CFAP74: variants seen among roughly 807,000 people sequenced by gnomAD.
CFAP74 encodes the protein cilia and flagella associated protein 74.
Under a neutral mutation model 188.9 loss-of-function variants are expected in CFAP74, and 124 were observed. The observed-to-expected ratio is 0.66, with a 90% CI of 0.57 to 0.76. The LOEUF is 0.76. Ranked by LOEUF, CFAP74 falls within the 30% of genes least tolerant of loss-of-function variation. The probability of loss-of-function intolerance (pLI) is 0.00; values close to 1 mark genes in which losing one functional copy is unlikely to be tolerated. For synonymous variants in CFAP74, 956 were observed against 916.7 expected (o/e 1.04, Z -0.77); for missense variants, 2,198 against 2,165.2 (o/e 1.02, Z -0.30).
In CFAP74 at chr1:1,972,947, A is replaced by T. The variant is rs1656193007; in HGVS notation, c.775T>A (p.Ser259Thr). 7 of 1,612,954 alleles carry T rather than the reference A, an allele frequency of 4.3e-6. No individual in the cohort carries two copies. Among genetic ancestry groups the T allele is most frequent in the Non-Finnish European group, 5.1e-6 (6 of 1,179,082 alleles). ...HKVAVRFLKA[S>T]LGRIREQEKK... ...GAAGGGAGGCCCTACCTTCCCAGGGAGGCCTTCAGGAACCGCACGGCAACC... is the reference window on the plus strand; with the variant it reads ...GAAGGGAGGCCCTACCTTCCCAGGGTGGCCTTCAGGAACCGCACGGCAACC... Residue 259 changes from serine (S) to threonine (T), a missense_variant, in exon 8 of 39, where the codon TCC becomes ACC. Ser to Thr is a moderately conservative substitution (Grantham distance 58, BLOSUM62 1). Coordinates refer to ENST00000682832, the MANE Select transcript of CFAP74 (RefSeq NM_001304360.2).
At chr1:1,935,706 CAA>C (rs977780750) in intron 25 of CFAP74, among the ~76,000 whole-genome samples, 1 of 151,892 alleles carries the variant, frequency 6.6e-6, no homozygotes, top group Non-Finnish European at 1.5e-5. Flanking sequence ...TCTGTAACAA[CAA>C]AGAGAAATCA....
At position 1,975,350 on chromosome 1, in the gene CFAP74, C is replaced by A. The variant is rs17777942; in HGVS notation, c.501-1152G>T. Among the ~76,000 whole-genome samples, 1 of 152,156 alleles carries A rather than the reference C, an allele frequency of 6.6e-6. No homozygotes were observed. The highest frequency in any genetic ancestry group is 1.5e-5 in the Non-Finnish European group (1 of 68,038). On this transcript the variant is annotated intron_variant, in intron 6 of 38. Coordinates refer to ENST00000682832, the MANE Select transcript of CFAP74 (RefSeq NM_001304360.2). This position sits in a 1 kb window ranked among gnomAD's most constrained non-coding sequence, Gnocchi z 4.5. ...ACGTGTTAATGTCAAGGATTTCTAA[C>A]GTTGAGCCTTTTTCGGGGCTCCTAG...
intron 16 of CFAP74, among the ~76,000 whole-genome samples, chr1:1,957,305 G>A (rs966376284): frequency 3.3e-5 from 5 of 152,210 alleles, no homozygotes; most frequent in Non-Finnish European, 7.4e-5. Context: ...CTCCTCGGGA[G>A]GCTTTTCTGG....
intron 21 of CFAP74, among the ~76,000 whole-genome samples, chr1:1,943,525 T>C (rs1309077008): frequency 1.3e-5 from 2 of 152,242 alleles, no homozygotes; most frequent in East Asian, 1.9e-4. Flanking sequence ...GGCTCCGTCA[T>C]GGAAACCCCG....
intron 18 of CFAP74, chr1:1,954,707 C>T (rs571715362): frequency 1.4e-4 from 94 of 694,240 alleles, no homozygotes; most frequent in Non-Finnish European, 1.6e-4. Flanking sequence ...TGCTTGAGCC[C>T]GGGAGGTCGA....
At chr1:1,943,514 G>T (rs1315675366) in intron 21 of CFAP74, among the ~76,000 whole-genome samples, 2 of 152,236 alleles carry the variant, frequency 1.3e-5, no homozygotes, top group Admixed American at 6.5e-5. Context: ...GGTGGCACAG[G>T]GGCTCCGTCA....
At chr1:1,937,385 G>A (rs1377650461) in intron 25 of CFAP74, among the ~76,000 whole-genome samples, 1 of 152,272 alleles carries the variant, frequency 6.6e-6, no homozygotes, top group African/African-American at 2.4e-5. Flanking sequence ...CAGGACAAAC[G>A]CACCTGGCGT....
chr1:1,955,884 G>T, intron 17 of CFAP74, 34 bp from the exon 18 acceptor site: 1 of 1,586,520 alleles, frequency 6.3e-7, no homozygotes. Context: ...GGCTTGGGAG[G>T]TTTCCCACCT....
chr1:1,981,782 C>A (rs1406291108), intron 6 of CFAP74, among the ~76,000 whole-genome samples: 2 of 136,892 alleles, frequency 1.5e-5, no homozygotes, highest in African/African-American at 5.9e-5. Context: ...CGCAGGACAC[C>A]CAGCCGCGGT....
intron 1 of CFAP74, among the ~76,000 whole-genome samples, chr1:1,996,904 G>A: frequency 8.4e-6 from 1 of 118,392 alleles, no homozygotes; most frequent in Admixed American, 1.0e-4. Context: ...CTGGGTGACA[G>A]AGCAAGACTC....
At chr1:1,967,951 C>A (rs368346542) in intron 11 of CFAP74, among the ~76,000 whole-genome samples, 1 of 96,224 alleles carries the variant, frequency 1.0e-5, no homozygotes, top group South Asian at 2.8e-4. Context: ...ATGAGTGAAT[C>A]AGTGAGTGAG....
Position 1,940,356 on chromosome 1 carries a change from C to T in CFAP74, c.2663G>A (p.Arg888Gln), listed in dbSNP as rs1012480044. ...TATGGTCATCGGGGCCTCCAGGACT[C>T]GGGTCTCCTTGTCAAAATACCTCCC... ...DAGRYFDKET[R>Q]VLEAPMTIWV... The change falls in exon 23 of 39, where the codon CGA (arginine) becomes CAA (glutamine). Residue 888 changes from arginine (R) to glutamine (Q), a missense_variant. Coordinates refer to ENST00000682832, the MANE Select transcript of CFAP74 (RefSeq NM_001304360.2). The T allele has an allele frequency of 1.5e-5, 23 of 1,535,544 alleles. No homozygotes were observed. Among genetic ancestry groups the T allele is most frequent in the South Asian group, 2.4e-5 (2 of 84,022 alleles).
chr1:1,932,510 C>T (rs182402863), intron 25 of CFAP74, among the ~76,000 whole-genome samples: 1 of 152,100 alleles, frequency 6.6e-6, no homozygotes, highest in Non-Finnish European at 1.5e-5. Context: ...GCTGGGATTA[C>T]AGCCGTGGCG....
intron 25 of CFAP74, among the ~76,000 whole-genome samples, chr1:1,938,060 C>A (rs1022363627): frequency 2.8e-5 from 4 of 143,010 alleles, no homozygotes; most frequent in Admixed American, 1.4e-4. Flanking sequence ...TCACACTCAA[C>A]CTTACACACC....
At position 1,974,056 on chromosome 1, in the gene CFAP74, TC is replaced by T; in HGVS notation, c.642del (p.Lys215ArgfsTer8). The T allele has an allele frequency of 6.3e-7, 1 of 1,598,264 alleles. No individual in the cohort carries two copies. The highest frequency in any genetic ancestry group is 2.3e-5 in the East Asian group (1 of 44,072). On this transcript the variant is annotated frameshift_variant, in exon 7 of 39. Coordinates refer to ENST00000682832, the MANE Select transcript of CFAP74 (RefSeq NM_001304360.2). LOFTEE classifies it high-confidence loss of function. ...EQLCREQEAL[G>X]KVERNRLLRI... ...CTCAGCAGTCGGTTCCGCTCCACCT[TC>T]CCCAGGGCCTCCTGCTCTCTGCAGA...
chr1:1,951,285 A>C (rs1396535194), intron 18 of CFAP74, among the ~76,000 whole-genome samples: 2 of 152,202 alleles, frequency 1.3e-5, no homozygotes, highest in African/African-American at 4.8e-5. Flanking sequence ...CCCATAATTC[A>C]ATCACTTTCC....
At chr1:1,945,898 ATGTGTG>A (rs1332832940) in intron 20 of CFAP74, among the ~76,000 whole-genome samples, 345 of 142,708 alleles carry the variant, frequency 2.4e-3, no homozygotes, top group East Asian at 3.6e-3. Flanking sequence ...GCGTGTGTGC[ATGTGTG>A]TGCATGTGTG....
intron 1 of CFAP74, among the ~76,000 whole-genome samples, 186 bp from the exon 2 acceptor site, chr1:1,991,161 T>G (rs1657543401): frequency 6.6e-6 from 1 of 152,222 alleles, no homozygotes; most frequent in Non-Finnish European, 1.5e-5. Context: ...ATCAACCACA[T>G]GAAGTCCAAA....
Position 1,926,701 on chromosome 1 carries a change from C to G in CFAP74, c.3723G>C (p.Val1241=). The G allele has an allele frequency of 6.5e-7, 1 of 1,550,158 alleles. No homozygotes were observed. Among genetic ancestry groups the G allele is most frequent in the Non-Finnish European group, 8.7e-7 (1 of 1,146,858 alleles). Residue 1241 remains valine (V), a synonymous_variant, in exon 30 of 39, where the codon GTG becomes GTC. Transcript: ENST00000682832. Reference sequence around the variant, plus strand: ...AGATGGTCTTGCCTTTATGGGACGTCACCACAACAGATGGTGCCACCGTCG... The same window carrying G: ...AGATGGTCTTGCCTTTATGGGACGTGACCACAACAGATGGTGCCACCGTCG... ...WCPTVAPSVV[V]TSHKGKTIFN... is the part of the protein sequence containing the mutation.
Sources: gnomAD v4.1 joint callset for allele counts (sites outside exome capture counted in the v4.1 genomes callset) on GRCh38, gnomAD v4.1.1 for gene constraint, Gnocchi (gnomAD v3.1) non-coding constraint, MANE v1.5 for transcripts, NCBI Gene and HGNC (gene_info 2026-07-23, HGNC 2026-07-21) for gene names.